The following MYO7B variants were observed in gnomAD, a reference collection of about 807,000 sequenced individuals.
The protein encoded by MYO7B is unconventional myosin-VIIb.
In MYO7B, 212 loss-of-function variants were observed where a neutral mutation model predicts 259.7. The ratio of observed to expected loss-of-function variants is 0.82; its 90% confidence interval spans 0.73 to 0.91. MYO7B has a LOEUF of 0.91. Ranked by LOEUF, MYO7B falls within the 40% of genes least tolerant of loss-of-function variation. MYO7B has a pLI of 0.00. For missense variants in MYO7B, 2,732 were observed against 2,813.5 expected (o/e 0.97, Z 0.66); for synonymous variants, 1,197 against 1,166.4 (o/e 1.03, Z -0.54).
At chr2:127,551,556 A>C (rs985090730) in intron 1 of MYO7B, among the ~76,000 whole-genome samples, 1 of 152,212 alleles carries the variant, frequency 6.6e-6, no homozygotes, top group Non-Finnish European at 1.5e-5. Context: ...TCCACACTCG[A>C]GATGGGGTGA....
intron 39 of MYO7B, 108 bp downstream of exon 39, chr2:127,632,509 C>CAGA (rs1345587296): frequency 2.2e-6 from 3 of 1,365,466 alleles, no homozygotes; most frequent in Non-Finnish European, 2.9e-6. Context: ...GAGGACTCTC[C>CAGA]AGAAGCCAGT....
chr2:127,562,042 C>T (rs899491265), intron 2 of MYO7B, among the ~76,000 whole-genome samples: 1 of 148,850 alleles, frequency 6.7e-6, no homozygotes, highest in Non-Finnish European at 1.5e-5. Flanking sequence ...AGAGAGAGAG[C>T]GTGCATGCAT....
At chr2:127,589,614 G>A (rs1327479896) in intron 15 of MYO7B, among the ~76,000 whole-genome samples, 9 of 138,730 alleles carry the variant, frequency 6.5e-5, no homozygotes, top group East Asian at 2.3e-4. Context: ...TGGGTGGTGC[G>A]TGGGTGGATG....
intron 35 of MYO7B, 82 bp downstream of exon 35, chr2:127,629,908 T>C (rs1161898895): frequency 9.3e-6 from 13 of 1,390,460 alleles, no homozygotes; most frequent in African/African-American, 3.0e-5. Context: ...TTGGGAGGCC[T>C]AGCTCAGGGC....
At position 127,584,916 on chromosome 2, in the gene MYO7B, G is replaced by A. The variant is rs376572191; in HGVS notation, c.1690+3G>A. On this transcript the variant is annotated splice_donor_region_variant and intron_variant, in intron 14 of 47. Transcript: ENST00000409816. The surrounding 1 kb of genome is among the most constrained non-coding windows in gnomAD (Gnocchi z 5.8). Reference sequence around the variant, plus strand: ...CGAGGTGTACTACCAAGCAGAAGGTGGGTGCAGCTCTCCTCTCATGTCCCT... The same window carrying A: ...CGAGGTGTACTACCAAGCAGAAGGTAGGTGCAGCTCTCCTCTCATGTCCCT... 215 of 1,613,768 alleles carry A rather than the reference G, an allele frequency of 1.3e-4. No homozygotes were observed. The highest frequency in any genetic ancestry group is 1.7e-4 in the Non-Finnish European group (200 of 1,179,828).
rs1679269060 is a variant in MYO7B, at chr2:127,585,504, C to T, written c.1690+591C>T. Among the ~76,000 whole-genome samples, 1 of 152,168 alleles carries T rather than the reference C, an allele frequency of 6.6e-6. No homozygotes were observed. Among genetic ancestry groups the T allele is most frequent in the Non-Finnish European group, 1.5e-5 (1 of 68,040 alleles). On this transcript the variant is annotated intron_variant, in intron 14 of 47. Coordinates refer to ENST00000409816, the MANE Select transcript of MYO7B (RefSeq NM_001393586.1). This position sits in a 1 kb window ranked among gnomAD's most constrained non-coding sequence, Gnocchi z 4.3. Reference sequence around the variant, plus strand: ...TTGGCGGACATTTGGGTTTTTTCCACTTTTTGCCTATTATGAATAACACAG... The same window carrying T: ...TTGGCGGACATTTGGGTTTTTTCCATTTTTTGCCTATTATGAATAACACAG...
chr2:127,568,091 G>A (rs1041779221), intron 5 of MYO7B, among the ~76,000 whole-genome samples: 2 of 152,224 alleles, frequency 1.3e-5, no homozygotes, highest in Non-Finnish European at 2.9e-5. Flanking sequence ...CAGAGGGGCT[G>A]AGATCCTGTT....
intron 9 of MYO7B, among the ~76,000 whole-genome samples, chr2:127,579,492 G>A (rs1679016143): frequency 2.6e-5 from 4 of 152,222 alleles, no homozygotes; most frequent in Non-Finnish European, 5.9e-5. Context: ...GGTGGGCACC[G>A]GGGCCTGGGA....
In MYO7B at chr2:127,539,437, A is replaced by G. The variant is rs1692918449; in HGVS notation, c.-24+3606A>G. Among the ~76,000 whole-genome samples the G allele has an allele frequency of 6.6e-6, 1 of 152,232 alleles. No individual in the cohort carries two copies. Among genetic ancestry groups the G allele is most frequent in the Non-Finnish European group, 1.5e-5 (1 of 68,038 alleles). The stretch of plus-strand genomic sequence containing the variant: ...CAAGTTAGGCAAAAGCCAGTTTCCA[A>G]GGGGAAGACCAGCTTTCCTGTTGCA... On this transcript the variant is annotated intron_variant, in intron 1 of 47. Coordinates refer to ENST00000409816, the MANE Select transcript of MYO7B (RefSeq NM_001393586.1). The surrounding 1 kb of genome is among the most constrained non-coding windows in gnomAD (Gnocchi z 4.0).
Position 127,636,118 on chromosome 2 carries a change from A to G in MYO7B, c.6007-90A>G. ...ATTCCTCCCCTCCCCTCCCCACCGT[A>G]CTAGCCCTGGGGTAGGCAGGTGCTG... On this transcript the variant is annotated intron_variant, in intron 44 of 47. Coordinates refer to ENST00000409816, the MANE Select transcript of MYO7B (RefSeq NM_001393586.1). The surrounding 1 kb of genome is among the most constrained non-coding windows in gnomAD (Gnocchi z 4.5). 1 of 1,191,238 alleles carries G rather than the reference A, an allele frequency of 8.4e-7. No homozygotes were observed. Among genetic ancestry groups the G allele is most frequent in the Non-Finnish European group, 1.2e-6 (1 of 821,584 alleles). 73.8% of individuals were successfully genotyped at this position (1,191,238 alleles called of 1,614,324 possible). A position where few individuals can be genotyped will look rare whatever the true frequency, so the allele number is the denominator to read the frequency against.
intron 35 of MYO7B, among the ~76,000 whole-genome samples, chr2:127,630,096 C>A (rs924844004): frequency 2.0e-5 from 3 of 152,210 alleles, no homozygotes; most frequent in African/African-American, 7.2e-5. Flanking sequence ...TCTTTCTCTG[C>A]CTCATTTACA....
Position 127,605,921 on chromosome 2 carries a change from T to C in MYO7B, c.2417T>C (p.Phe806Ser), listed in dbSNP as rs371920313. ...WWRGYCNRRN[F>S]KLILVGFERL... ...AGAGGCTACTGCAACAGGAGGAATT[T>C]CAAGCTGGTGAGAGAGCTCTCTGGG... The change falls in exon 20 of 48, where the codon TTC becomes TCC. Residue 806 changes from phenylalanine (F) to serine (S), a missense_variant. Phe to Ser is a radical substitution (Grantham distance 155, BLOSUM62 -2). Transcript: ENST00000409816. The C allele has an allele frequency of 1.2e-6, 2 of 1,611,158 alleles. No homozygotes were observed. Among genetic ancestry groups the C allele is most frequent in the Non-Finnish European group, 1.7e-6 (2 of 1,179,428 alleles).
chr2:127,618,888 G>C (rs574875754), intron 26 of MYO7B, among the ~76,000 whole-genome samples: 6 of 152,252 alleles, frequency 3.9e-5, no homozygotes, highest in Admixed American at 3.9e-4. Context: ...GATCCAGAGA[G>C]AGCTGATGAG....
At chr2:127,629,566 A>C in intron 34 of MYO7B, 79 bp from the exon 35 acceptor site, 1 of 1,409,442 alleles carries the variant, frequency 7.1e-7, no homozygotes, top group Non-Finnish European at 9.6e-7. Context: ...TCATCTGTCA[A>C]AGGAGATGAC....
intron 26 of MYO7B, among the ~76,000 whole-genome samples, chr2:127,617,000 A>C (rs1050346552): frequency 6.6e-6 from 1 of 152,356 alleles, no homozygotes; most frequent in Admixed American, 6.5e-5. Flanking sequence ...TCCTACATTT[A>C]TAACATTTTC....
intron 9 of MYO7B, among the ~76,000 whole-genome samples, chr2:127,580,025 C>T (rs1437212093): frequency 2.0e-5 from 3 of 152,202 alleles, no homozygotes; most frequent in East Asian, 1.9e-4. Flanking sequence ...GCAAGGACCT[C>T]GGAGGGCTGT....
chr2:127,575,087 G>C (rs1159769396), intron 7 of MYO7B, among the ~76,000 whole-genome samples: 1 of 152,202 alleles, frequency 6.6e-6, no homozygotes, highest in African/African-American at 2.4e-5. Context: ...CTGTGTGAGA[G>C]GGACAGATGC....
Position 127,636,114 on chromosome 2 carries a change from C to T in MYO7B, c.6007-94C>T. On this transcript the variant is annotated intron_variant, in intron 44 of 47. Transcript: ENST00000409816. The surrounding 1 kb of genome is among the most constrained non-coding windows in gnomAD (Gnocchi z 4.5). The stretch of plus-strand genomic sequence containing the variant: ...CTGCATTCCTCCCCTCCCCTCCCCA[C>T]CGTACTAGCCCTGGGGTAGGCAGGT... 8 of 1,167,788 alleles carry T rather than the reference C, an allele frequency of 6.9e-6. No homozygotes were observed. The South Asian group carries it at 9.8e-5, about 14-fold the overall frequency. The allele number at this position is 1,167,788 out of a possible 1,614,324, so 72.3% of individuals were successfully genotyped here. A position where few individuals can be genotyped will look rare whatever the true frequency, so the allele number is the denominator to read the frequency against.
intron 43 of MYO7B, 51 bp from the exon 44 acceptor site, chr2:127,635,671 C>A: frequency 6.5e-7 from 1 of 1,530,152 alleles, no homozygotes; most frequent in South Asian, 1.2e-5. Flanking sequence ...AGGTTGGGGG[C>A]GGGTGGGCCG....
Sources: gnomAD v4.1 joint callset for allele counts (sites outside exome capture counted in the v4.1 genomes callset) on GRCh38, gnomAD v4.1.1 for gene constraint, Gnocchi (gnomAD v3.1) non-coding constraint, MANE v1.5 for transcripts, NCBI Gene and HGNC (gene_info 2026-07-23, HGNC 2026-07-21) for gene names.